The following PARL variants were observed in gnomAD, a reference collection of about 807,000 sequenced individuals.
PARL encodes the protein presenilin-associated rhomboid-like protein, mitochondrial.
A neutral mutation model predicts 51.6 loss-of-function variants in PARL; 44 were observed. The observed-to-expected ratio is 0.85, with a 90% CI of 0.67 to 1.10. The LOEUF is 1.10. Among genes scored for constraint, PARL ranks in the 50% least tolerant of loss-of-function variants. The probability of loss-of-function intolerance (pLI) is 0.00; values close to 1 mark genes in which losing one functional copy is unlikely to be tolerated. For missense variants in PARL, 441 were observed against 469.5 expected, an observed-to-expected ratio of 0.94 and a Z score of 0.56; for synonymous variants, 172 against 164.0, an observed-to-expected ratio of 1.05 and a Z score of -0.37.
chr3:183,882,660 T>G (rs988900522), intron 1 of PARL, among the ~76,000 whole-genome samples: 1 of 152,156 alleles, frequency 6.6e-6, no homozygotes, highest in South Asian at 2.1e-4. Flanking sequence ...AAAGGCCAGA[T>G]AGAAGATATT....
At chr3:183,836,032 A>G (rs2108591511) in intron 7 of PARL, among the ~76,000 whole-genome samples, 1 of 152,086 alleles carries the variant, frequency 6.6e-6, no homozygotes, top group South Asian at 2.1e-4. Flanking sequence ...AGCCTGACCA[A>G]CATGAAGAAA....
intron 4 of PARL, among the ~76,000 whole-genome samples, chr3:183,845,003 T>C (rs1040723366): frequency 2.0e-5 from 3 of 152,260 alleles, no homozygotes; most frequent in African/African-American, 7.2e-5. Context: ...GAAATTATTA[T>C]TGAAAACTAC....
intron 1 of PARL, among the ~76,000 whole-genome samples, chr3:183,883,338 G>C (rs75396695): frequency 0.05 from 7,596 of 152,248 alleles, 229 homozygotes; most frequent in East Asian, 0.079. Flanking sequence ...GCACGATCTC[G>C]GCTCACTGCA....
Position 183,858,058 on chromosome 3 carries a change from T to C in PARL, c.511+4695A>G, listed in dbSNP as rs537061726. 3.0e-3 allele frequency among the ~76,000 whole-genome samples: 454 copies of C among 152,224 alleles called. 1 individual carries two copies. Among genetic ancestry groups the C allele is most frequent in the African/African-American group, 0.01 (428 of 41,542 alleles). On this transcript the variant is annotated intron_variant, in intron 4 of 9. Transcript: ENST00000317096. Reference sequence around the variant, plus strand: ...GGGTTCTTATGATGACTAATAATAATAGAAATGCATGTAAAGCACATAGCA... The same window carrying C: ...GGGTTCTTATGATGACTAATAATAACAGAAATGCATGTAAAGCACATAGCA...
chr3:183,861,284 T>C, intron 4 of PARL: 1 of 963,354 alleles, frequency 1.0e-6, no homozygotes, highest in Non-Finnish European at 1.2e-6. Context: ...TTGGTTAAGA[T>C]TCCATTCAAC....
intron 3 of PARL, among the ~76,000 whole-genome samples, chr3:183,866,134 G>C (rs748029886): frequency 4.6e-5 from 7 of 152,106 alleles, no homozygotes; most frequent in Non-Finnish European, 8.8e-5. Flanking sequence ...CAAAGTGCTA[G>C]GATTATAGAC....
Position 183,862,728 on chromosome 3 carries a change from T to C in PARL, c.511+25A>G, listed in dbSNP as rs1406023614. On this transcript the variant is annotated intron_variant, in intron 4 of 9. Transcript: ENST00000317096. ...GTTTGATTTCTCTTCCCTTGAATGG[T>C]TAAAACGTGTAAGCTAACACAAACC... is the stretch of plus-strand genomic sequence containing the variant. 4 of 1,599,198 alleles carry C rather than the reference T, an allele frequency of 2.5e-6. No individual in the cohort carries two copies. In the African/African-American group the frequency reaches 4.0e-5, roughly 16 times the overall value.
rs1401913573 is a variant in PARL at position 183,882,222 on chromosome 3, A to AAATATATATATATATATATTT, written c.125+2499_125+2500insAAATATATATATATATATATT. 6.5e-5 allele frequency among the ~76,000 whole-genome samples: 3 copies of AAATATATATATATATATATTT among 46,104 alleles called. 1 individual carries two copies. Among genetic ancestry groups the AAATATATATATATATATATTT allele is most frequent in the Non-Finnish European group, 1.2e-4 (3 of 25,104 alleles). The allele number at this position is 46,104 out of a possible 152,430, so 30.2% of individuals were successfully genotyped here. A position where few individuals can be genotyped will look rare whatever the true frequency, so the allele number is the denominator to read the frequency against. On this transcript the variant is annotated intron_variant, in intron 1 of 9. Transcript: ENST00000317096. ...ATGTCTCTAAAAAAAAAAAAAAAAA[A>AAATATATATATATATATATTT]ATATATATATATATATATATATTTA...
At chr3:183,849,402 G>C (rs899155847) in intron 4 of PARL, among the ~76,000 whole-genome samples, 3 of 152,072 alleles carry the variant, frequency 2.0e-5, no homozygotes, top group African/African-American at 7.2e-5. Context: ...ACCAGTATAT[G>C]GAAATTAACA....
chr3:183,868,080 G>A lies in PARL; in HGVS notation c.126-20C>T, dbSNP rs779142397. 6.3e-7 allele frequency: 1 copy of A among 1,580,524 alleles called. No homozygotes were observed. Among genetic ancestry groups the A allele is most frequent in the South Asian group, 1.1e-5 (1 of 90,402 alleles). ...TTAAACCTATGGGGCAAAAATAACAGATGAGAAACACAGTAGCGTCTTGCA... is the reference window on the plus strand; with the variant it reads ...TTAAACCTATGGGGCAAAAATAACAAATGAGAAACACAGTAGCGTCTTGCA... On this transcript the variant is annotated intron_variant, in intron 1 of 9. Transcript: ENST00000317096.
intron 1 of PARL, among the ~76,000 whole-genome samples, chr3:183,880,878 C>A (rs574005251): frequency 1.2e-4 from 18 of 152,134 alleles, no homozygotes; most frequent in South Asian, 2.1e-4. Context: ...GACAGTGGCG[C>A]CCTCATAGCT....
chr3:183,884,743 G>C lies in PARL; in HGVS notation c.104C>G (p.Pro35Arg), dbSNP rs1316582113. 9 of 1,582,400 alleles carry C rather than the reference G, an allele frequency of 5.7e-6. No homozygotes were observed. The East Asian group carries it at 2.1e-4, about 37-fold the overall frequency. ...SCEELTAVLT[P>R]PQLLGRRFNF... ...TTACCTGCGTCCGAGGAGCTGCGGC[G>C]GGGTTAGGACCGCAGTGAGCTCCTC... Residue 35 changes from proline (P) to arginine (R), a missense_variant, in exon 1 of 10, where the codon CCG (proline) becomes CGG (arginine). Physicochemically the swap from Pro to Arg is moderately radical, Grantham distance 103. Transcript: ENST00000317096.
intron 4 of PARL, among the ~76,000 whole-genome samples, chr3:183,860,375 T>C (rs1731673339): frequency 6.6e-6 from 1 of 152,214 alleles, no homozygotes; most frequent in Non-Finnish European, 1.5e-5. Flanking sequence ...ACAAGAAAAG[T>C]CTGAGGTGAC....
At chr3:183,833,374 G>C in intron 9 of PARL, 118 bp downstream of exon 9, 1 of 741,642 alleles carries the variant, frequency 1.3e-6, no homozygotes, top group Non-Finnish European at 2.5e-6. Context: ...ACCTGCTTCT[G>C]CTTCCGTTGC....
At chr3:183,840,541 TA>T (rs748666707) in intron 7 of PARL, 28 bp downstream of exon 7, 274 of 1,115,158 alleles carry the variant, frequency 2.5e-4, no homozygotes, top group Middle Eastern at 2.4e-3. Flanking sequence ...AAAATTAAAT[TA>T]AAAAAAATTT....
rs565033616 is a variant in PARL, at chr3:183,834,957, G to A, written c.829-1132C>T. ...GCTTATAATCCCACCTACTTAGGATGCTAAGGCCCGAGAATTGCTTGAACC... is the reference window on the plus strand; with the variant it reads ...GCTTATAATCCCACCTACTTAGGATACTAAGGCCCGAGAATTGCTTGAACC... On this transcript the variant is annotated intron_variant, in intron 7 of 9. Coordinates refer to ENST00000317096, the MANE Select transcript of PARL (RefSeq NM_018622.7). 4.0e-5 allele frequency among the ~76,000 whole-genome samples: 6 copies of A among 151,224 alleles called. No homozygotes were observed. In the East Asian group the frequency reaches 1.2e-3, roughly 29 times the overall value.
chr3:183,884,873 C>T lies in PARL; in HGVS notation c.-27G>A. 2 of 1,596,112 alleles carry T rather than the reference C, an allele frequency of 1.3e-6. No homozygotes were observed. Among genetic ancestry groups the T allele is most frequent in the Non-Finnish European group, 1.7e-6 (2 of 1,179,236 alleles). On this transcript the variant is annotated 5_prime_UTR_variant, in exon 1 of 10. Transcript: ENST00000317096. Reference sequence around the variant, plus strand: ...TTCCCAACCTCTGCCCCACCATGGCCCGACCTTACCAACCCCAGCTGCGCA... The same window carrying T: ...TTCCCAACCTCTGCCCCACCATGGCTCGACCTTACCAACCCCAGCTGCGCA...
intron 4 of PARL, among the ~76,000 whole-genome samples, chr3:183,855,532 G>T (rs1577336396): frequency 6.6e-6 from 1 of 152,060 alleles, no homozygotes. Flanking sequence ...CAGGGGTGGG[G>T]GGATGGTTTC....
intron 1 of PARL, among the ~76,000 whole-genome samples, chr3:183,877,129 G>A (rs953169046): frequency 7.2e-5 from 11 of 152,170 alleles, no homozygotes; most frequent in African/African-American, 2.7e-4. Context: ...CAGGAGAATC[G>A]CTTGAACTAA....
Sources: gnomAD v4.1 joint callset for allele counts (sites outside exome capture counted in the v4.1 genomes callset) on GRCh38, gnomAD v4.1.1 for gene constraint, MANE v1.5 for transcripts, NCBI Gene and HGNC (gene_info 2026-07-23, HGNC 2026-07-21) for gene names.